Variants in SMTNL1 observed in about 807,000 individuals in gnomAD.
The protein encoded by SMTNL1 is smoothelin-like protein 1.
SMTNL1 carries 41 observed loss-of-function variants against 46.6 expected under a neutral mutation model. That is an observed-to-expected ratio of 0.88 (90% CI 0.69 to 1.14). The LOEUF (loss-of-function observed/expected upper bound fraction) is 1.14, where lower values mean the gene tolerates loss of function less well. SMTNL1 is among the 50% of genes most tolerant of loss of function. The pLI is 0.00. For synonymous variants in SMTNL1, 234 were observed against 234.2 expected, an observed-to-expected ratio of 1.00 and a Z score of 0.01; for missense variants, 591 against 626.1, an observed-to-expected ratio of 0.94 and a Z score of 0.60.
intron 1 of SMTNL1, among the ~76,000 whole-genome samples, chr11:57,541,083 A>G (rs1190463475): frequency 6.6e-6 from 1 of 152,206 alleles, no homozygotes; most frequent in Admixed American, 6.5e-5. Context: ...ATCAGAGGAC[A>G]GTGTGAGCAT....
At chr11:57,544,919 C>T (rs1432207655) in intron 4 of SMTNL1, among the ~76,000 whole-genome samples, 1 of 150,702 alleles carries the variant, frequency 6.6e-6, no homozygotes, top group Non-Finnish European at 1.5e-5. Context: ...TCACTGCAAC[C>T]TCTGCCTCCC....
chr11:57,542,568 GCT>G (rs1424000955), intron 1 of SMTNL1, 71 bp from the exon 2 acceptor site: 1 of 1,501,488 alleles, frequency 6.7e-7, no homozygotes, highest in Non-Finnish European at 8.9e-7. Context: ...CCAGGCCAGA[GCT>G]CTCTGAGGGT....
intron 1 of SMTNL1, among the ~76,000 whole-genome samples, chr11:57,539,069 C>A (rs1944853397): frequency 6.6e-6 from 1 of 151,996 alleles, no homozygotes; most frequent in Non-Finnish European, 1.5e-5. Flanking sequence ...GTTAGAGCGG[C>A]CAGTCTCAGT....
intron 7 of SMTNL1, among the ~76,000 whole-genome samples, 152 bp downstream of exon 7, chr11:57,546,804 G>T (rs1435519033): frequency 6.6e-6 from 1 of 152,182 alleles, no homozygotes; most frequent in Non-Finnish European, 1.5e-5. Flanking sequence ...ACTGTTTCAG[G>T]CCCTGGGGAT....
intron 7 of SMTNL1, among the ~76,000 whole-genome samples, 197 bp from the exon 8 acceptor site, chr11:57,549,771 G>A (rs1181819417): frequency 6.6e-6 from 1 of 152,108 alleles, no homozygotes; most frequent in East Asian, 1.9e-4. Context: ...CCTGGCCTGG[G>A]TTTGTCTTAA....
chr11:57,542,603 C>T (rs768759209), intron 1 of SMTNL1, 38 bp from the exon 2 acceptor site: 1 of 1,554,552 alleles, frequency 6.4e-7, no homozygotes, highest in Non-Finnish European at 8.7e-7. Flanking sequence ...TCATGCTGGG[C>T]TGGGGCATGA....
chr11:57,546,752 C>T, intron 7 of SMTNL1, 100 bp downstream of exon 7: 1 of 1,391,628 alleles, frequency 7.2e-7, no homozygotes, highest in Non-Finnish European at 9.8e-7. Context: ...ATGCTGGTGC[C>T]ACACATTCAT....
At position 57,546,246 on chromosome 11, in the gene SMTNL1, C is replaced by T. The variant is rs1944922140; in HGVS notation, c.1087C>T (p.Pro363Ser). The T allele has an allele frequency of 2.5e-6, 4 of 1,603,222 alleles. No individual in the cohort carries two copies. Among genetic ancestry groups the T allele is most frequent in the Non-Finnish European group, 3.4e-6 (4 of 1,175,028 alleles). Residue 363 changes from proline (P) to serine (S), a missense_variant, in exon 6 of 8, where the codon CCC becomes TCC. Physicochemically the swap from Pro to Ser is moderately conservative, Grantham distance 74. Coordinates refer to ENST00000527972, the MANE Select transcript of SMTNL1 (RefSeq NM_001105565.3). ...CTCCCCTCACAGGGCAGCTTCCGGC[C>T]CCACGGCCTTGTTCCGCAACACTAA... ...VDKFGGAASGPTALFRNTKAA... is the reference protein window; with the variant it reads ...VDKFGGAASGSTALFRNTKAA...
intron 1 of SMTNL1, among the ~76,000 whole-genome samples, chr11:57,538,854 G>T (rs1189032251): frequency 6.6e-6 from 1 of 152,210 alleles, no homozygotes; most frequent in Admixed American, 6.5e-5. Context: ...CTGCTGTAGG[G>T]CTGTGAATGC....
At chr11:57,549,736 G>A (rs530144729) in intron 7 of SMTNL1, among the ~76,000 whole-genome samples, 49 of 152,210 alleles carry the variant, frequency 3.2e-4, no homozygotes, top group African/African-American at 1.1e-3. Flanking sequence ...TACATCCTGT[G>A]ACCTACCTAA....
Position 57,544,881 on chromosome 11 carries a change from G to A in SMTNL1, c.917+961G>A, listed in dbSNP as rs1483625968. Reference sequence around the variant, plus strand: ...AGATGGAGTCTTGATCTGTCGCCCAGGCTGGAGTGCAATAGTGCGATCTCA... The same window carrying A: ...AGATGGAGTCTTGATCTGTCGCCCAAGCTGGAGTGCAATAGTGCGATCTCA... On this transcript the variant is annotated intron_variant, in intron 4 of 7. Transcript: ENST00000527972. Among the ~76,000 whole-genome samples the A allele has an allele frequency of 4.1e-5, 6 of 145,548 alleles. No homozygotes were observed. The East Asian group carries it at 9.9e-4, about 24-fold the overall frequency.
rs147479569 is a variant in SMTNL1, at chr11:57,540,856, G to A, written c.-2-1785G>A. Among the ~76,000 whole-genome samples the A allele has an allele frequency of 3.4e-4, 51 of 152,098 alleles. 1 individual carries two copies. The East Asian group carries it at 7.6e-3, about 23-fold the overall frequency. On this transcript the variant is annotated intron_variant, in intron 1 of 7. Coordinates refer to ENST00000527972, the MANE Select transcript of SMTNL1 (RefSeq NM_001105565.3). ...CTCCCAAGTAGCTGGGATTACAGGC[G>A]TCTGCCACCACACCCAGCTAATTTT...
At chr11:57,547,622 C>T (rs541490088) in intron 7 of SMTNL1, among the ~76,000 whole-genome samples, 2 of 152,366 alleles carry the variant, frequency 1.3e-5, no homozygotes, top group Admixed American at 6.5e-5. Context: ...CCATGGAGTC[C>T]GGGGATGAGG....
chr11:57,540,734 G>A (rs569555452), intron 1 of SMTNL1, among the ~76,000 whole-genome samples: 47 of 142,776 alleles, frequency 3.3e-4, no homozygotes, highest in East Asian at 1.8e-3. Context: ...TTTTTGAGAC[G>A]GAGTCTCGCT....
rs1944889697 is a variant in SMTNL1, at chr11:57,542,799, CA to C, written c.158del (p.Gln53ArgfsTer21). On this transcript the variant is annotated frameshift_variant, in exon 2 of 8. Coordinates refer to ENST00000527972, the MANE Select transcript of SMTNL1 (RefSeq NM_001105565.3). LOFTEE classifies it high-confidence loss of function. Reference sequence around the variant, plus strand: ...GGGGCCTCCCACTGAGTCAGGAAAGCAGGAAAAGGCACCAGCCGAGGACGGC... The same window carrying C: ...GGGGCCTCCCACTGAGTCAGGAAAGCGGAAAAGGCACCAGCCGAGGACGGC... ...NEGPPTESGKQEKAPAEDGMS... is the reference protein window; with the variant it reads ...NEGPPTESGKXEKAPAEDGMS... The C allele has an allele frequency of 1.2e-6, 2 of 1,613,718 alleles. No individual in the cohort carries two copies. The highest frequency in any genetic ancestry group is 1.7e-6 in the Non-Finnish European group (2 of 1,179,858).
intron 1 of SMTNL1, among the ~76,000 whole-genome samples, chr11:57,539,124 G>A (rs916659210): frequency 2.0e-5 from 3 of 152,206 alleles, no homozygotes; most frequent in Admixed American, 2.0e-4. Context: ...CGAGGCAGGA[G>A]GTTCACTTGA....
chr11:57,546,448 A>C, intron 6 of SMTNL1, 53 bp from the exon 7 acceptor site: 1 of 1,608,462 alleles, frequency 6.2e-7, no homozygotes, highest in Non-Finnish European at 8.5e-7. Flanking sequence ...GGCCAAGTCC[A>C]GGCCATCTGG....
intron 4 of SMTNL1, among the ~76,000 whole-genome samples, chr11:57,544,957 C>T (rs571990477): frequency 6.6e-6 from 1 of 152,118 alleles, no homozygotes. Context: ...CTGCCTCAGC[C>T]TTCCAAGTAG....
rs947048820 is a variant in SMTNL1 at position 57,546,481 on chromosome 11, C to G, written c.1189-20C>G. The G allele has an allele frequency of 4.3e-6, 7 of 1,613,816 alleles. No homozygotes were observed. The highest frequency in any genetic ancestry group is 1.7e-5 in the Admixed American group (1 of 60,030). On this transcript the variant is annotated intron_variant, in intron 6 of 7. Coordinates refer to ENST00000527972, the MANE Select transcript of SMTNL1 (RefSeq NM_001105565.3). ...TGGCTGAGCCTCACTGAGGCCTCCT[C>G]TGTGCCCTGCCTGCCATAGCATGTG...
Sources: gnomAD v4.1 joint callset for allele counts (sites outside exome capture counted in the v4.1 genomes callset) on GRCh38, gnomAD v4.1.1 for gene constraint, MANE v1.5 for transcripts, NCBI Gene and HGNC (gene_info 2026-07-23, HGNC 2026-07-21) for gene names.